SNTG1: variants seen among roughly 807,000 people sequenced by gnomAD.
The protein encoded by SNTG1 is gamma-1-syntrophin.
SNTG1 carries 39 observed loss-of-function variants against 74.7 expected under a neutral mutation model. That is an observed-to-expected ratio of 0.52 (90% CI 0.40 to 0.68). The LOEUF (loss-of-function observed/expected upper bound fraction) is 0.68. SNTG1 is among the 30% of genes least tolerant of loss of function. The pLI, the probability that SNTG1 is intolerant of heterozygous loss-of-function variation, is 0.00. For missense variants in SNTG1, 685 were observed against 609.5 expected (o/e 1.12, Z -1.30); for synonymous variants, 254 against 217.1 (o/e 1.17, Z -1.49).
At chr8:50,668,913 C>A (rs962477953) in intron 15 of SNTG1, among the ~76,000 whole-genome samples, 45 of 151,950 alleles carry the variant, frequency 3.0e-4, no homozygotes, top group African/African-American at 8.7e-4. Context: ...CACGACTTTG[C>A]AATTGTAAAT....
intron 8 of SNTG1, among the ~76,000 whole-genome samples, chr8:50,476,226 G>A (rs897569462): frequency 6.6e-6 from 1 of 152,052 alleles, no homozygotes; most frequent in Non-Finnish European, 1.5e-5. Flanking sequence ...GTTATTAGTT[G>A]CTGTTAATAT....
At chr8:50,437,481 C>G (rs1388723577) in intron 4 of SNTG1, among the ~76,000 whole-genome samples, 2 of 152,104 alleles carry the variant, frequency 1.3e-5, no homozygotes, top group African/African-American at 4.8e-5. Context: ...CCAATTTTCA[C>G]TAGTTCTTTT....
intron 2 of SNTG1, among the ~76,000 whole-genome samples, chr8:50,206,929 A>T (rs2084270465): frequency 6.6e-6 from 1 of 152,080 alleles, no homozygotes; most frequent in Admixed American, 6.6e-5. Context: ...CTTGATTGTG[A>T]TGGATAACCT....
At chr8:50,334,882 C>T (rs1563912415) in intron 2 of SNTG1, among the ~76,000 whole-genome samples, 1 of 152,204 alleles carries the variant, frequency 6.6e-6, no homozygotes, top group Non-Finnish European at 1.5e-5. Context: ...TGCACCTCTT[C>T]TCCTGCACTT....
intron 17 of SNTG1, among the ~76,000 whole-genome samples, chr8:50,716,223 A>T (rs2131577850): frequency 6.6e-6 from 1 of 152,228 alleles, no homozygotes; most frequent in African/African-American, 2.4e-5. Context: ...ATTTTATGTT[A>T]TTATTCCATA....
chr8:50,146,141 C>A (rs999762721), intron 1 of SNTG1, among the ~76,000 whole-genome samples: 1 of 151,814 alleles, frequency 6.6e-6, no homozygotes, highest in Non-Finnish European at 1.5e-5. Flanking sequence ...TAAAGAGTAT[C>A]CAATTTGTGT....
intron 1 of SNTG1, among the ~76,000 whole-genome samples, chr8:50,142,065 T>C (rs908699064): frequency 6.6e-6 from 1 of 152,174 alleles, no homozygotes; most frequent in Admixed American, 6.5e-5. Flanking sequence ...TGTTATGACA[T>C]TTCTTTCTGG....
intron 15 of SNTG1, among the ~76,000 whole-genome samples, chr8:50,678,819 T>G (rs2095319829): frequency 6.6e-6 from 1 of 152,118 alleles, no homozygotes. Context: ...AGAAAATTTT[T>G]TATAGTGTTC....
chr8:50,542,428 A>G (rs185657788), intron 11 of SNTG1, among the ~76,000 whole-genome samples: 1 of 152,208 alleles, frequency 6.6e-6, no homozygotes, highest in African/African-American at 2.4e-5. Context: ...AAGTGTTAGG[A>G]TTAAAGGCAT....
At chr8:50,013,736 T>C (rs932480820) in intron 1 of SNTG1, among the ~76,000 whole-genome samples, 10 of 152,124 alleles carry the variant, frequency 6.6e-5, no homozygotes, top group African/African-American at 2.4e-4. Context: ...GGCAATTTTA[T>C]ATAATTGTAT....
chr8:50,745,531 A>G (rs1230676874), intron 17 of SNTG1, among the ~76,000 whole-genome samples: 2 of 152,068 alleles, frequency 1.3e-5, no homozygotes, highest in African/African-American at 2.4e-5. Flanking sequence ...AAGTTACCAT[A>G]TGATTTAACA....
rs147678552 is a variant in SNTG1 at position 50,602,300 on chromosome 8, G to C, written c.849+11383G>C. On this transcript the variant is annotated intron_variant, in intron 13 of 18. Transcript: ENST00000642720. The stretch of plus-strand genomic sequence containing the variant: ...GTATCCATTGTATGGTTTTCAATTT[G>C]AGGTTGCCATGAGGATTGATAGAGT... Among the ~76,000 whole-genome samples, 60 of 150,442 alleles carry C rather than the reference G, an allele frequency of 4.0e-4. 1 individual carries two copies. The East Asian group carries it at 7.9e-3, about 20-fold the overall frequency.
intron 2 of SNTG1, among the ~76,000 whole-genome samples, chr8:50,283,632 A>T (rs776534545): frequency 2.0e-5 from 3 of 152,130 alleles, no homozygotes; most frequent in Non-Finnish European, 2.9e-5. Flanking sequence ...ATTTACTTTT[A>T]AAAGTTTCTC....
intron 2 of SNTG1, among the ~76,000 whole-genome samples, chr8:50,280,754 G>A (rs953168086): frequency 1.3e-5 from 2 of 152,104 alleles, no homozygotes; most frequent in African/African-American, 4.8e-5. Flanking sequence ...GAGATAAATT[G>A]TAGATGAAGT....
At chr8:50,242,527 C>CAA (rs773542089) in intron 2 of SNTG1, among the ~76,000 whole-genome samples, 3 of 30,930 alleles carry the variant, frequency 9.7e-5, no homozygotes, top group African/African-American at 1.0e-4. Context: ...GAATCCATCT[C>CAA]AAAAAAAAAA....
At chr8:50,541,653 T>C (rs2094348073) in intron 11 of SNTG1, among the ~76,000 whole-genome samples, 2 of 152,164 alleles carry the variant, frequency 1.3e-5, no homozygotes, top group African/African-American at 4.8e-5. Flanking sequence ...GTCTTTTCTT[T>C]ATGTGAGAAC....
rs749519181 is a variant in SNTG1, at chr8:50,353,895, C to G, written c.-27-40317C>G. On this transcript the variant is annotated intron_variant, in intron 2 of 18. Transcript: ENST00000642720. The stretch of plus-strand genomic sequence containing the variant: ...TTCTTCAGCAACAAATCACATGCTT[C>G]TAAGTGTTCAGTATTTTAACTGGTC... Among the ~76,000 whole-genome samples, 146 of 152,328 alleles carry G rather than the reference C, an allele frequency of 9.6e-4. 2 individuals are homozygous for G. The highest frequency in any genetic ancestry group is 1.4e-3 in the Non-Finnish European group (94 of 68,034).
chr8:49,933,419 T>G (rs1460331483), intron 1 of SNTG1, among the ~76,000 whole-genome samples: 4 of 152,206 alleles, frequency 2.6e-5, no homozygotes, highest in Non-Finnish European at 5.9e-5. Flanking sequence ...AGCTCAAGAT[T>G]CATTCCTAAA....
intron 18 of SNTG1, among the ~76,000 whole-genome samples, chr8:50,775,013 T>C (rs1264555608): frequency 1.3e-5 from 2 of 150,868 alleles, no homozygotes; most frequent in African/African-American, 2.4e-5. Flanking sequence ...TATACATATA[T>C]ATACATGTAC....
Sources: allele counts gnomAD v4.1 joint callset (sites outside exome capture counted in the v4.1 genomes callset), GRCh38; gene constraint gnomAD v4.1.1; transcripts MANE v1.5; gene names NCBI Gene and HGNC (gene_info 2026-07-23, HGNC 2026-07-21).